DHRSX: variants seen among roughly 807,000 people sequenced by gnomAD.
DHRSX encodes the protein polyprenol dehydrogenase.
DHRSX carries 31 observed loss-of-function variants against 34.0 expected under a neutral mutation model. The observed-to-expected ratio is 0.91, with a 90% CI of 0.69 to 1.23. The LOEUF is 1.23. Ranked by LOEUF, DHRSX falls within the 50% of genes most tolerant of loss-of-function variation. The pLI, the probability that DHRSX is intolerant of heterozygous loss-of-function variation, is 0.00. For missense variants in DHRSX, 414 were observed against 428.1 expected, an observed-to-expected ratio of 0.97 and a Z score of 0.29; for synonymous variants, 201 against 183.8, an observed-to-expected ratio of 1.09 and a Z score of -0.76.
intron 1 of DHRSX, among the ~76,000 whole-genome samples, chrX:2,498,403 C>T (rs752894578): frequency 6.6e-6 from 1 of 152,170 alleles, no homozygotes; most frequent in African/African-American, 2.4e-5. Flanking sequence ...AGCTGGCCAC[C>T]AGCAGACCAA....
intron 1 of DHRSX, among the ~76,000 whole-genome samples, chrX:2,468,982 G>GTTCCC (rs778293001): frequency 1.8e-4 from 28 of 151,952 alleles, no homozygotes; most frequent in South Asian, 1.0e-3. Context: ...CACTGAAGAC[G>GTTCCC]TTCCCTAAGA....
intron 2 of DHRSX, among the ~76,000 whole-genome samples, chrX:2,422,887 C>G (rs1156940833): frequency 2.4e-4 from 37 of 152,146 alleles, no homozygotes; most frequent in Non-Finnish European, 5.9e-5. Flanking sequence ...CAGGTTCAAG[C>G]AATTCACCTG....
chrX:2,321,578 A>C (rs2042311614), intron 3 of DHRSX, among the ~76,000 whole-genome samples: 1 of 150,264 alleles, frequency 6.7e-6, no homozygotes, highest in African/African-American at 2.5e-5. Flanking sequence ...CTCGTGCTCC[A>C]CCCCCCTCTC....
intron 1 of DHRSX, chrX:2,490,778 AAG>A: frequency 1.3e-6 from 2 of 1,569,694 alleles, no homozygotes. Flanking sequence ...ACCTGCTGAG[AAG>A]GGCCAAGACA....
chrX:2,407,880 G>A (rs2043577180), intron 3 of DHRSX, among the ~76,000 whole-genome samples: 3 of 152,014 alleles, frequency 2.0e-5, no homozygotes, highest in South Asian at 2.1e-4. Flanking sequence ...TCACCACTAC[G>A]CCATTCATCC....
At position 2,422,379 on chromosome X, in the gene DHRSX, C is replaced by T. The variant is rs1288912534; in HGVS notation, c.217+2818G>A. On this transcript the variant is annotated intron_variant, in intron 2 of 6. Transcript: ENST00000334651. ...CCTGGCTCAAGCGATGCTCCCGCCT[C>T]AGCCTCCCGAGCAGCTGGGATTACA... 5.9e-5 allele frequency among the ~76,000 whole-genome samples: 9 copies of T among 152,044 alleles called. No individual in the cohort carries two copies. In the South Asian group the frequency reaches 6.2e-4, roughly 11 times the overall value.
chrX:2,410,904 CA>C (rs1483186353), intron 2 of DHRSX, among the ~76,000 whole-genome samples: 5 of 152,116 alleles, frequency 3.3e-5, no homozygotes, highest in Non-Finnish European at 5.9e-5. Flanking sequence ...ACTGAAGCTG[CA>C]AAGGTAATTT....
At chrX:2,492,910 C>T (rs984371760) in intron 1 of DHRSX, among the ~76,000 whole-genome samples, 5 of 152,228 alleles carry the variant, frequency 3.3e-5, no homozygotes, top group African/African-American at 9.6e-5. Context: ...TAATTTTGCC[C>T]GAAATAATGA....
chrX:2,416,091 G>GACCA (rs1322660609), intron 2 of DHRSX, among the ~76,000 whole-genome samples: 7 of 150,640 alleles, frequency 4.6e-5, no homozygotes, highest in African/African-American at 1.5e-4. Flanking sequence ...ATCTCGTCAT[G>GACCA]ACCAACCAAC....
chrX:2,266,196 G>A (rs755942098), intron 5 of DHRSX, among the ~76,000 whole-genome samples: 52 of 144,988 alleles, frequency 3.6e-4, no homozygotes, highest in African/African-American at 1.3e-3. Flanking sequence ...CAGAGCACCA[G>A]TGCTTGGCAG....
chrX:2,310,643 G>T (rs1267984127), intron 3 of DHRSX, among the ~76,000 whole-genome samples: 1 of 151,866 alleles, frequency 6.6e-6, no homozygotes, highest in Non-Finnish European at 1.5e-5. Context: ...GAAAGTTATG[G>T]AGAAAGAGAG....
chrX:2,346,164 T>C (rs1445157144), intron 3 of DHRSX, among the ~76,000 whole-genome samples: 1 of 152,130 alleles, frequency 6.6e-6, no homozygotes, highest in African/African-American at 2.4e-5. Flanking sequence ...TACATGTATT[T>C]TCTGATAATG....
At chrX:2,242,078 G>A (rs906911950) in intron 6 of DHRSX, among the ~76,000 whole-genome samples, 10 of 152,014 alleles carry the variant, frequency 6.6e-5, no homozygotes, top group East Asian at 1.9e-4. Context: ...GGACACAAGC[G>A]TCTGTACCCC....
At chrX:2,431,273 C>A (rs1255506404) in intron 1 of DHRSX, among the ~76,000 whole-genome samples, 1 of 143,342 alleles carries the variant, frequency 7.0e-6, no homozygotes, top group East Asian at 2.1e-4. Flanking sequence ...TGCAGTGAGC[C>A]GAGATTGTGC....
At chrX:2,267,669 A>C (rs1184886810) in intron 4 of DHRSX, among the ~76,000 whole-genome samples, 1 of 152,172 alleles carries the variant, frequency 6.6e-6, no homozygotes, top group East Asian at 1.9e-4. Flanking sequence ...CTGGGCGGCT[A>C]GGTGTGATGG....
intron 3 of DHRSX, among the ~76,000 whole-genome samples, chrX:2,394,065 C>T (rs993428890): frequency 1.3e-5 from 2 of 152,224 alleles, no homozygotes; most frequent in African/African-American, 2.4e-5. Flanking sequence ...TTCACAGAAG[C>T]TTGGCTGTGG....
At chrX:2,392,921 A>G (rs2043352761) in intron 3 of DHRSX, among the ~76,000 whole-genome samples, 1 of 142,430 alleles carries the variant, frequency 7.0e-6, no homozygotes, top group Admixed American at 7.2e-5. Context: ...ATATATAAAT[A>G]TATAAATAAA....
At chrX:2,467,962 CAAA>C (rs746652058) in intron 1 of DHRSX, among the ~76,000 whole-genome samples, 3,280 of 84,192 alleles carry the variant, frequency 0.039, 80 homozygotes, top group South Asian at 0.13. Context: ...AACTCCGTCT[CAAA>C]AAAAAAAAAA....
chrX:2,246,303 C>G (rs2016279925), intron 5 of DHRSX, among the ~76,000 whole-genome samples: 2 of 152,082 alleles, frequency 1.3e-5, no homozygotes, highest in Admixed American at 6.6e-5. Flanking sequence ...ATGCCTCTTA[C>G]CAACAAAAGC....
Sources: gnomAD v4.1 joint callset for allele counts (sites outside exome capture counted in the v4.1 genomes callset) on GRCh38, gnomAD v4.1.1 for gene constraint, MANE v1.5 for transcripts, NCBI Gene and HGNC (gene_info 2026-07-23, HGNC 2026-07-21) for gene names.